The following SUN3 variants were observed in gnomAD, a reference collection of about 807,000 sequenced individuals.
SUN3 encodes the protein SUN domain-containing protein 3.
In SUN3, 36 loss-of-function variants were observed where a neutral mutation model predicts 48.2. The observed-to-expected ratio is 0.75, with a 90% CI of 0.57 to 0.99. The LOEUF (loss-of-function observed/expected upper bound fraction) is 0.99. Among genes scored for constraint, SUN3 ranks in the 50% least tolerant of loss-of-function variants. SUN3 has a pLI of 0.00. For synonymous variants in SUN3, 148 were observed against 147.9 expected (o/e 1.00, Z 0.00); for missense variants, 419 against 433.1 (o/e 0.97, Z 0.29).
intron 6 of SUN3, 42 bp from the exon 7 acceptor site, chr7:47,996,188 C>T (rs755384983): frequency 8.7e-7 from 1 of 1,152,146 alleles, no homozygotes; most frequent in East Asian, 2.5e-5. Flanking sequence ...AAACAACATA[C>T]ACAATTCAAA....
upstream of SUN3, among the ~76,000 whole-genome samples, chr7:48,031,512 T>A (rs1046537777): frequency 6.6e-6 from 1 of 152,136 alleles, no homozygotes; most frequent in South Asian, 2.1e-4. Context: ...AAAGAAATTG[T>A]TAATCTTAAA....
intron 6 of SUN3, among the ~76,000 whole-genome samples, chr7:47,998,834 A>C (rs1789283117): frequency 6.6e-6 from 1 of 152,062 alleles, no homozygotes; most frequent in Non-Finnish European, 1.5e-5. Flanking sequence ...GGTGTGAACT[A>C]CTTCTAGACT....
intron 6 of SUN3, among the ~76,000 whole-genome samples, chr7:48,001,550 T>TTTTTC (rs1224769321): frequency 7.0e-6 from 1 of 142,020 alleles, no homozygotes; most frequent in South Asian, 2.2e-4. Context: ...TTTTTTTTTT[T>TTTTTC]TGAGACAGAG....
chr7:47,992,194 G>A (rs1172962489), intron 8 of SUN3, among the ~76,000 whole-genome samples: 1 of 152,166 alleles, frequency 6.6e-6, no homozygotes, highest in Non-Finnish European at 1.5e-5. Flanking sequence ...CTTCCTGCCG[G>A]CTTTGCACCG....
intron 6 of SUN3, among the ~76,000 whole-genome samples, chr7:47,997,856 A>G (rs986363505): frequency 3.3e-5 from 5 of 152,194 alleles, no homozygotes; most frequent in African/African-American, 1.2e-4. Flanking sequence ...CCTTTTCACT[A>G]AGGCTACTTT....
intron 6 of SUN3, among the ~76,000 whole-genome samples, chr7:48,000,868 GTT>G (rs143433372): frequency 7.0e-6 from 1 of 143,794 alleles, no homozygotes; most frequent in Admixed American, 6.9e-5. Flanking sequence ...TAAATTTATG[GTT>G]TTTTTTTTTT....
chr7:48,035,572 T>C, the SUN3 span: 1 of 697,562 alleles, frequency 1.4e-6, no homozygotes, highest in Non-Finnish European at 2.6e-6. The surrounding 1 kb of genome is among the most constrained non-coding windows in gnomAD (Gnocchi z 4.0). Context: ...CAGCCAGCCG[T>C]GTAAAAACTC....
intron 2 of SUN3, chr7:48,018,525 G>A (rs1789877719): frequency 6.5e-6 from 1 of 152,772 alleles, no homozygotes; most frequent in South Asian, 2.1e-4. Context: ...TCGGGAGGCT[G>A]AGGCAGGAGA....
At chr7:48,024,739 G>A (rs1255430157) in intron 2 of SUN3, among the ~76,000 whole-genome samples, 1 of 152,142 alleles carries the variant, frequency 6.6e-6, no homozygotes, top group African/African-American at 2.4e-5. Flanking sequence ...GAGATCACAT[G>A]GTGAGAGAGG....
intron 2 of SUN3, among the ~76,000 whole-genome samples, chr7:48,019,000 A>C (rs73111161): frequency 1.1e-4 from 16 of 152,330 alleles, no homozygotes; most frequent in Admixed American, 9.1e-4. Flanking sequence ...AAAGAAACCA[A>C]ATATAAACTC....
chr7:48,027,655 C>T (rs1023359907), intron 1 of SUN3, among the ~76,000 whole-genome samples: 5 of 152,154 alleles, frequency 3.3e-5, no homozygotes, highest in South Asian at 2.1e-4. Flanking sequence ...TAGAGTGGGC[C>T]GCCTAATTCT....
intron 3 of SUN3, among the ~76,000 whole-genome samples, chr7:48,011,666 G>T (rs1466132644): frequency 6.6e-6 from 1 of 152,160 alleles, no homozygotes; most frequent in Non-Finnish European, 1.5e-5. Flanking sequence ...AAATGAACTT[G>T]AGAGTTCCAT....
upstream of SUN3, among the ~76,000 whole-genome samples, chr7:48,032,251 T>A (rs1012813671): frequency 2.6e-5 from 4 of 152,214 alleles, no homozygotes; most frequent in Non-Finnish European, 4.4e-5. Flanking sequence ...AGGGAGTAGA[T>A]AGATCTCAAG....
chr7:48,011,849 G>A (rs765596747), intron 3 of SUN3, among the ~76,000 whole-genome samples: 1 of 152,196 alleles, frequency 6.6e-6, no homozygotes, highest in Non-Finnish European at 1.5e-5. Context: ...GTAAGATAAT[G>A]CGAGAAGGAT....
At chr7:47,988,135 T>A (rs1206632882) in intron 9 of SUN3, among the ~76,000 whole-genome samples, 2 of 152,214 alleles carry the variant, frequency 1.3e-5, no homozygotes, top group Non-Finnish European at 2.9e-5. Context: ...TCTACAAATA[T>A]GCTCATTTCT....
chr7:48,015,474 C>T (rs1200596157), intron 3 of SUN3, among the ~76,000 whole-genome samples: 1 of 152,148 alleles, frequency 6.6e-6, no homozygotes, highest in African/African-American at 2.4e-5. Flanking sequence ...TCTCCCCTCT[C>T]TTTTGGGACT....
chr7:48,021,629 T>C (rs977153469), intron 2 of SUN3, among the ~76,000 whole-genome samples: 1 of 150,390 alleles, frequency 6.6e-6, no homozygotes, highest in African/African-American at 2.4e-5. Flanking sequence ...TAAACATCTC[T>C]CAAAAGAAGA....
At chr7:48,016,034 A>G (rs1789802914) in intron 3 of SUN3, among the ~76,000 whole-genome samples, 1 of 152,144 alleles carries the variant, frequency 6.6e-6, no homozygotes, top group East Asian at 1.9e-4. Flanking sequence ...ACCTCCCCAA[A>G]TTGTTCCTGG....
upstream of SUN3, among the ~76,000 whole-genome samples, chr7:48,029,306 T>C (rs1562617367): frequency 6.6e-6 from 1 of 152,216 alleles, no homozygotes; most frequent in Non-Finnish European, 1.5e-5. Context: ...CTGTGTTTGC[T>C]TCAGTGCTTT....
Sources: gnomAD v4.1 joint callset for allele counts (sites outside exome capture counted in the v4.1 genomes callset) on GRCh38, gnomAD v4.1.1 for gene constraint, Gnocchi (gnomAD v3.1) non-coding constraint, MANE v1.5 for transcripts, NCBI Gene and HGNC (gene_info 2026-07-23, HGNC 2026-07-21) for gene names.